NAALADL2: variants seen among roughly 807,000 people sequenced by gnomAD.
NAALADL2 encodes inactive N-acetylated-alpha-linked acidic dipeptidase-like protein 2.
In NAALADL2, 76 loss-of-function variants were observed where a neutral mutation model predicts 87.2. The ratio of observed to expected loss-of-function variants is 0.87; its 90% CI spans 0.72 to 1.05. NAALADL2 has a LOEUF of 1.05. Ranked by LOEUF, NAALADL2 falls within the 50% of genes least tolerant of loss-of-function variation. The pLI is 0.00. For synonymous variants in NAALADL2, 354 were observed against 331.0 expected (o/e 1.07, Z -0.75); for missense variants, 1,089 against 945.8 (o/e 1.15, Z -1.99).
At chr3:174,860,742 C>T (rs1429742272) in intron 1 of NAALADL2, among the ~76,000 whole-genome samples, 2 of 152,202 alleles carry the variant, frequency 1.3e-5, no homozygotes, top group Admixed American at 6.6e-5. Flanking sequence ...CCATTTCACT[C>T]ATTATCCCTC....
chr3:175,165,895 T>C (rs1417669506), intron 2 of NAALADL2, among the ~76,000 whole-genome samples: 1 of 152,062 alleles, frequency 6.6e-6, no homozygotes, highest in Non-Finnish European at 1.5e-5. Context: ...CCTCTTCCTC[T>C]TATTGTTGTT....
At chr3:175,595,577 G>A (rs1263937653) in intron 10 of NAALADL2, among the ~76,000 whole-genome samples, 1 of 151,976 alleles carries the variant, frequency 6.6e-6, no homozygotes, top group South Asian at 2.1e-4. Context: ...AAAATCAGTA[G>A]CATTTCTAAA....
At chr3:174,698,567 A>G (rs1345249055) in intron 2 of NAALADL2, among the ~76,000 whole-genome samples, 1 of 148,548 alleles carries the variant, frequency 6.7e-6, no homozygotes, top group Non-Finnish European at 1.5e-5. Flanking sequence ...ACTCCTATTT[A>G]TTTTTAAAAT....
intron 3 of NAALADL2, among the ~76,000 whole-genome samples, chr3:174,750,727 C>G (rs368641876): frequency 3.0e-4 from 45 of 152,216 alleles, no homozygotes; most frequent in African/African-American, 1.1e-3. Context: ...AGCCACCGCA[C>G]CCGGCCTATT....
chr3:174,915,615 G>A (rs554405039), intron 1 of NAALADL2, among the ~76,000 whole-genome samples: 111 of 152,138 alleles, frequency 7.3e-4, no homozygotes, highest in African/African-American at 2.6e-3. Context: ...GAGAAATTGA[G>A]AGGAAAACAA....
At chr3:174,645,067 G>A (rs1467863136) in intron 2 of NAALADL2, among the ~76,000 whole-genome samples, 3 of 152,120 alleles carry the variant, frequency 2.0e-5, no homozygotes, top group African/African-American at 7.2e-5. Flanking sequence ...TCCAAAGCAA[G>A]GGCAGCCCTT....
At chr3:174,974,835 G>A (rs1201626220) in intron 1 of NAALADL2, among the ~76,000 whole-genome samples, 3 of 152,052 alleles carry the variant, frequency 2.0e-5, no homozygotes, top group Admixed American at 6.6e-5. Context: ...AATATTGGAA[G>A]TATATTGGCA....
intron 2 of NAALADL2, among the ~76,000 whole-genome samples, chr3:175,214,046 A>C (rs1404876377): frequency 1.3e-5 from 2 of 152,138 alleles, no homozygotes; most frequent in East Asian, 3.8e-4. Flanking sequence ...CCATTATTGT[A>C]TTTTCTAAGA....
intron 10 of NAALADL2, among the ~76,000 whole-genome samples, chr3:175,581,661 A>G (rs1428913444): frequency 1.3e-5 from 2 of 152,176 alleles, no homozygotes; most frequent in Non-Finnish European, 2.9e-5. Flanking sequence ...ATCTTAATCC[A>G]TCTTAATAAA....
intron 11 of NAALADL2, among the ~76,000 whole-genome samples, chr3:175,733,902 C>T (rs1402354196): frequency 6.6e-6 from 1 of 152,222 alleles, no homozygotes; most frequent in Non-Finnish European, 1.5e-5. Flanking sequence ...CCTTTGACTC[C>T]ATGTCTCACA....
chr3:175,780,134 G>T (rs1750831134), intron 13 of NAALADL2, among the ~76,000 whole-genome samples: 2 of 151,678 alleles, frequency 1.3e-5, no homozygotes, highest in South Asian at 4.2e-4. Flanking sequence ...AAATTAGCCG[G>T]GCGTGGTGGT....
intron 2 of NAALADL2, among the ~76,000 whole-genome samples, chr3:175,177,078 T>C (rs1324769632): frequency 6.6e-6 from 1 of 152,092 alleles, no homozygotes; most frequent in Admixed American, 6.6e-5. Flanking sequence ...CCCACTTCTT[T>C]TGGACATTTT....
At chr3:174,876,831 A>T (rs1356886606) in intron 1 of NAALADL2, among the ~76,000 whole-genome samples, 1 of 152,156 alleles carries the variant, frequency 6.6e-6, no homozygotes, top group African/African-American at 2.4e-5. Context: ...CTAAAACAAA[A>T]TACCATAGAT....
At chr3:174,552,098 T>A (rs1712196928) in intron 2 of NAALADL2, among the ~76,000 whole-genome samples, 1 of 152,238 alleles carries the variant, frequency 6.6e-6, no homozygotes, top group Non-Finnish European at 1.5e-5. Flanking sequence ...TAGTGAAGGC[T>A]ATTATGAATA....
intron 1 of NAALADL2, among the ~76,000 whole-genome samples, chr3:174,943,813 G>A (rs1426856157): frequency 1.3e-5 from 2 of 152,162 alleles, no homozygotes; most frequent in Non-Finnish European, 2.9e-5. Flanking sequence ...GGTGTGGTAA[G>A]GCATTTAGGG....
chr3:174,501,589 C>G (rs74808017), intron 1 of NAALADL2, among the ~76,000 whole-genome samples: 8,741 of 152,182 alleles, frequency 0.057, 365 homozygotes, highest in South Asian at 0.12. Flanking sequence ...TATAGGACAA[C>G]AAATGGCTAT....
chr3:174,822,019 G>A (rs1456555603), intron 3 of NAALADL2, among the ~76,000 whole-genome samples: 1 of 152,140 alleles, frequency 6.6e-6, no homozygotes, highest in South Asian at 2.1e-4. Flanking sequence ...AGTAATAAAT[G>A]ATGTATATAT....
chr3:174,812,830 G>A (rs1588897), intron 3 of NAALADL2, among the ~76,000 whole-genome samples: 10,897 of 151,428 alleles, frequency 0.072, 446 homozygotes, highest in Middle Eastern at 0.12. Context: ...AATAGAAATA[G>A]GCTTATAGAA....
chr3:175,418,144 A>G (rs1715000045), intron 5 of NAALADL2, among the ~76,000 whole-genome samples: 1 of 152,134 alleles, frequency 6.6e-6, no homozygotes, highest in Admixed American at 6.6e-5. Flanking sequence ...GAAAGGGGAT[A>G]TTAGGTATTT....
Sources: allele counts gnomAD v4.1 joint callset (sites outside exome capture counted in the v4.1 genomes callset), GRCh38; gene constraint gnomAD v4.1.1; transcripts MANE v1.5; gene names NCBI Gene and HGNC (gene_info 2026-07-23, HGNC 2026-07-21).